PTPRG: variants seen among roughly 807,000 people sequenced by gnomAD.
The protein encoded by PTPRG is protein tyrosine phosphatase receptor type G, also known as receptor-type tyrosine-protein phosphatase gamma.
Under a neutral mutation model 165.3 loss-of-function variants are expected in PTPRG, and 102 were observed. That is an observed-to-expected ratio of 0.62 (90% CI 0.53 to 0.73). The LOEUF is 0.73. Among genes scored for constraint, PTPRG ranks in the 30% least tolerant of loss-of-function variants. PTPRG has a pLI of 0.00. For synonymous variants in PTPRG, 675 were observed against 669.5 expected, an observed-to-expected ratio of 1.01 and a Z score of -0.13; for missense variants, 1,866 against 1,861.4, an observed-to-expected ratio of 1.00 and a Z score of -0.05.
Position 61,666,374 on chromosome 3 carries a change from C to T in PTPRG, c.86-82504C>T, listed in dbSNP as rs1415998481. Reference sequence around the variant, plus strand: ...CTTATTTCCCTTAAGTTAAACTTACCAGTCTTCATTTGCCAAATAATTTCC... The same window carrying T: ...CTTATTTCCCTTAAGTTAAACTTACTAGTCTTCATTTGCCAAATAATTTCC... On this transcript the variant is annotated intron_variant, in intron 1 of 29. Coordinates refer to ENST00000474889, the MANE Select transcript of PTPRG (RefSeq NM_002841.4). 2.6e-5 allele frequency among the ~76,000 whole-genome samples: 4 copies of T among 152,216 alleles called. No individual in the cohort carries two copies. In the East Asian group the frequency reaches 7.7e-4, roughly 29 times the overall value.
At position 61,778,399 on chromosome 3, in the gene PTPRG, G is replaced by C. The variant is rs902471092; in HGVS notation, c.190+29417G>C. ...AAGCTGCACTCCTATGCAAACGTCT[G>C]ATTGGGTGGGGAAAAGCAACTAATC... On this transcript the variant is annotated intron_variant, in intron 2 of 29. Transcript: ENST00000474889. Among the ~76,000 whole-genome samples the C allele has an allele frequency of 2.6e-5, 4 of 152,178 alleles. No individual in the cohort carries two copies. In the South Asian group the frequency reaches 8.3e-4, roughly 32 times the overall value.
intron 2 of PTPRG, among the ~76,000 whole-genome samples, chr3:61,907,852 G>A (rs1410102502): frequency 4.6e-5 from 7 of 152,026 alleles, no homozygotes; most frequent in African/African-American, 1.7e-4. Context: ...GGAACTGGAT[G>A]CAGCGGCTCA....
chr3:61,683,564 T>G (rs2107126915), intron 1 of PTPRG, among the ~76,000 whole-genome samples: 1 of 152,360 alleles, frequency 6.6e-6, no homozygotes, highest in South Asian at 2.1e-4. Context: ...CTCTTGAGTT[T>G]GTGGCCTTTT....
intron 2 of PTPRG, among the ~76,000 whole-genome samples, chr3:61,806,621 G>A (rs2035426377): frequency 6.6e-6 from 1 of 151,990 alleles, no homozygotes; most frequent in Non-Finnish European, 1.5e-5. Context: ...TCTAAAATAT[G>A]TGATAGGGTA....
At chr3:62,025,416 C>G (rs191398830) in intron 4 of PTPRG, among the ~76,000 whole-genome samples, 24 of 152,250 alleles carry the variant, frequency 1.6e-4, no homozygotes, top group Non-Finnish European at 2.9e-4. Flanking sequence ...TTGGAATTTT[C>G]AATTAAATAT....
chr3:61,599,624 C>T (rs1462535744), intron 1 of PTPRG, among the ~76,000 whole-genome samples: 1 of 151,252 alleles, frequency 6.6e-6, no homozygotes, highest in Admixed American at 6.6e-5. Context: ...TCCCAAGTAG[C>T]GGGGACTACA....
At chr3:62,041,517 C>T (rs1338304865) in intron 4 of PTPRG, among the ~76,000 whole-genome samples, 5 of 152,048 alleles carry the variant, frequency 3.3e-5, no homozygotes, top group East Asian at 1.9e-4. Context: ...GAAATTCTGC[C>T]GAACCTCTGC....
In PTPRG at chr3:61,956,662, G is replaced by A. The variant is rs543472030; in HGVS notation, c.191-32963G>A. On this transcript the variant is annotated intron_variant, in intron 2 of 29. Transcript: ENST00000474889. Reference sequence around the variant, plus strand: ...AAGGAAAATGAAGCAGGGCAAATGGGACTATTACTGATATATTAAAATGAA... The same window carrying A: ...AAGGAAAATGAAGCAGGGCAAATGGAACTATTACTGATATATTAAAATGAA... Among the ~76,000 whole-genome samples the A allele has an allele frequency of 2.1e-4, 32 of 152,234 alleles. No homozygotes were observed. The South Asian group carries it at 5.4e-3, about 26-fold the overall frequency.
At chr3:62,150,677 A>C (rs929241873) in intron 6 of PTPRG, among the ~76,000 whole-genome samples, 10 of 152,188 alleles carry the variant, frequency 6.6e-5, no homozygotes, top group African/African-American at 2.2e-4. Context: ...CCTCTAAAAA[A>C]AAAAGTTGTG....
chr3:61,979,438 A>G (rs981333723), intron 2 of PTPRG, among the ~76,000 whole-genome samples: 2 of 152,182 alleles, frequency 1.3e-5, no homozygotes, highest in African/African-American at 4.8e-5. Context: ...CGTGAGGCTC[A>G]TTTTCTCATG....
intron 4 of PTPRG, among the ~76,000 whole-genome samples, chr3:62,041,140 G>T (rs1371694770): frequency 1.3e-5 from 2 of 152,300 alleles, no homozygotes; most frequent in South Asian, 4.1e-4. Flanking sequence ...ACATACTCAA[G>T]TTTTCTATTC....
intron 3 of PTPRG, among the ~76,000 whole-genome samples, chr3:61,995,867 G>T (rs1476687514): frequency 6.6e-6 from 1 of 151,572 alleles, no homozygotes; most frequent in Non-Finnish European, 1.5e-5. Context: ...ACTATTCTTT[G>T]TATTCTGTTG....
At chr3:61,971,135 C>T (rs1671673722) in intron 2 of PTPRG, among the ~76,000 whole-genome samples, 1 of 152,192 alleles carries the variant, frequency 6.6e-6, no homozygotes, top group Admixed American at 6.5e-5. Flanking sequence ...CAACTGCATC[C>T]TCTGCCTCCT....
chr3:61,887,170 A>T (rs867749546), intron 2 of PTPRG, among the ~76,000 whole-genome samples: 1,653 of 115,346 alleles, frequency 0.014, 59 homozygotes, highest in East Asian at 0.038. Flanking sequence ...ATATATATAT[A>T]TTTTTAATGC....
chr3:62,193,026 G>A (rs1014435927), intron 9 of PTPRG, among the ~76,000 whole-genome samples: 1 of 152,124 alleles, frequency 6.6e-6, no homozygotes, highest in African/African-American at 2.4e-5. Context: ...TCTGGGTCAC[G>A]TTAGGGAATG....
At chr3:62,047,489 T>C (rs1700334756) in intron 4 of PTPRG, among the ~76,000 whole-genome samples, 1 of 151,868 alleles carries the variant, frequency 6.6e-6, no homozygotes, top group Non-Finnish European at 1.5e-5. Flanking sequence ...GTCGATCTCC[T>C]GACCTCAGGT....
At chr3:62,134,699 A>G (rs1009228366) in intron 6 of PTPRG, among the ~76,000 whole-genome samples, 3 of 152,252 alleles carry the variant, frequency 2.0e-5, no homozygotes, top group Non-Finnish European at 4.4e-5. Context: ...TTTTGGTCAT[A>G]TATCAGCTTC....
intron 2 of PTPRG, among the ~76,000 whole-genome samples, chr3:61,985,232 G>T (rs946358376): frequency 6.6e-6 from 1 of 152,180 alleles, no homozygotes; most frequent in Non-Finnish European, 1.5e-5. Context: ...AAACTTCTCT[G>T]CACTGCAGGA....
At chr3:61,635,756 G>A (rs994535173) in intron 1 of PTPRG, among the ~76,000 whole-genome samples, 10 of 152,166 alleles carry the variant, frequency 6.6e-5, no homozygotes, top group Middle Eastern at 6.8e-3. Flanking sequence ...TTTGATTCCA[G>A]GTAGCCTATC....
Sources: gnomAD v4.1 joint callset for allele counts (sites outside exome capture counted in the v4.1 genomes callset) on GRCh38, gnomAD v4.1.1 for gene constraint, MANE v1.5 for transcripts, NCBI Gene and HGNC (gene_info 2026-07-23, HGNC 2026-07-21) for gene names.